The following SNX18 variants were observed in gnomAD, a reference collection of about 807,000 sequenced individuals.
The protein encoded by SNX18 is sorting nexin 18, also known as sorting nexin-18.
SNX18 carries 35 observed loss-of-function variants against 48.7 expected under a neutral mutation model. That is an observed-to-expected ratio of 0.72 (90% CI 0.55 to 0.95). The LOEUF is 0.95. Among genes scored for constraint, SNX18 ranks in the 40% least tolerant of loss-of-function variants. The probability of loss-of-function intolerance (pLI) is 0.00; values close to 1 mark genes in which losing one functional copy is unlikely to be tolerated. For synonymous variants in SNX18, 492 were observed against 384.7 expected (o/e 1.28, Z -3.26); for missense variants, 824 against 871.0 (o/e 0.95, Z 0.68).
the SNX18 span, among the ~76,000 whole-genome samples, chr5:54,600,457 A>C: frequency 6.6e-6 from 1 of 152,204 alleles, no homozygotes; most frequent in Non-Finnish European, 1.5e-5. Flanking sequence ...ATACCATTTG[A>C]CCCAGCAATC....
the SNX18 span, among the ~76,000 whole-genome samples, chr5:54,627,389 A>T: frequency 6.6e-6 from 1 of 152,100 alleles, no homozygotes; most frequent in South Asian, 2.1e-4. Flanking sequence ...ATATGTTTTG[A>T]GGCCCATCCA....
chr5:54,636,093 G>C, the SNX18 span, among the ~76,000 whole-genome samples: 1 of 152,158 alleles, frequency 6.6e-6, no homozygotes, highest in Non-Finnish European at 1.5e-5. Context: ...TTAGCTGGGT[G>C]CTCCAATCCT....
the SNX18 span, among the ~76,000 whole-genome samples, chr5:54,611,822 G>A: frequency 1.3e-5 from 2 of 152,090 alleles, no homozygotes; most frequent in African/African-American, 2.4e-5. Flanking sequence ...TTGGGGTGAG[G>A]CAGGGTGCCT....
the SNX18 span, among the ~76,000 whole-genome samples, chr5:54,647,544 T>C: frequency 1.3e-5 from 2 of 152,036 alleles, no homozygotes; most frequent in Non-Finnish European, 2.9e-5. Flanking sequence ...CTATAAGCAG[T>C]TGAAGTTGGT....
chr5:54,531,465 C>T (rs1186650273), intron 1 of SNX18, among the ~76,000 whole-genome samples: 1 of 152,100 alleles, frequency 6.6e-6, no homozygotes, highest in Non-Finnish European at 1.5e-5. Context: ...TTGACATTTG[C>T]GATTTTCACC....
the SNX18 span, among the ~76,000 whole-genome samples, chr5:54,621,349 T>C: frequency 2.6e-5 from 4 of 152,346 alleles, no homozygotes; most frequent in Admixed American, 2.6e-4. Context: ...TGAGTTGGGT[T>C]CTTGCCAACT....
chr5:54,630,074 G>A, the SNX18 span, among the ~76,000 whole-genome samples: 4 of 152,092 alleles, frequency 2.6e-5, no homozygotes, highest in African/African-American at 4.8e-5. Flanking sequence ...GGTTCCTCTC[G>A]ACTTACCCAT....
chr5:54,550,017 G>A (rs942775834), downstream of SNX18, among the ~76,000 whole-genome samples: 1 of 152,214 alleles, frequency 6.6e-6, no homozygotes, highest in African/African-American at 2.4e-5. Flanking sequence ...AAACATTGGA[G>A]TGCAGTTCAG....
At chr5:54,632,628 G>A in the SNX18 span, among the ~76,000 whole-genome samples, 13 of 152,108 alleles carry the variant, frequency 8.5e-5, no homozygotes, top group Non-Finnish European at 1.9e-4. Flanking sequence ...CACACCGGGA[G>A]CTGTGGGCTC....
chr5:54,621,379 T>G, the SNX18 span, among the ~76,000 whole-genome samples: 1 of 152,224 alleles, frequency 6.6e-6, no homozygotes. Context: ...AAGTCCTGAC[T>G]AGTCCTGACC....
chr5:54,560,521 G>A, the SNX18 span, among the ~76,000 whole-genome samples: 269 of 152,066 alleles, frequency 1.8e-3, 1 homozygote, highest in African/African-American at 6.2e-3. Flanking sequence ...ATAACTAATG[G>A]GTACTAGGCT....
At chr5:54,592,410 C>T in the SNX18 span, among the ~76,000 whole-genome samples, 1 of 152,212 alleles carries the variant, frequency 6.6e-6, no homozygotes, top group African/African-American at 2.4e-5. Flanking sequence ...CAACAAATTG[C>T]TCTCCATTTG....
intron 1 of SNX18, among the ~76,000 whole-genome samples, chr5:54,525,668 C>G (rs2112841977): frequency 6.6e-6 from 1 of 152,314 alleles, no homozygotes; most frequent in East Asian, 1.9e-4. Flanking sequence ...TAACCCAAAT[C>G]ACGTGTTCTG....
chr5:54,642,501 G>C, the SNX18 span, among the ~76,000 whole-genome samples: 1 of 152,092 alleles, frequency 6.6e-6, no homozygotes, highest in Non-Finnish European at 1.5e-5. Flanking sequence ...TTGCCAAACA[G>C]GGTCAACGTG....
At position 54,517,946 on chromosome 5, in the gene SNX18, C is replaced by G. The variant is rs1454354443; in HGVS notation, c.-7C>G. 1 of 1,504,402 alleles carries G rather than the reference C, an allele frequency of 6.6e-7. No individual in the cohort carries two copies. Among genetic ancestry groups the G allele is most frequent in the East Asian group, 2.8e-5 (1 of 35,150 alleles). 93.2% of individuals were successfully genotyped at this position (1,504,402 alleles called of 1,614,324 possible). A position where few individuals can be genotyped will look rare whatever the true frequency, so the allele number is the denominator to read the frequency against. On this transcript the variant is annotated 5_prime_UTR_variant, in exon 1 of 2. Transcript: ENST00000381410. ...GAGTCGGGACCGCCAGTCGGGGCGC[C>G]GGGACCATGGCGCTGCGCGCCCGGG...
chr5:54,580,863 G>A, the SNX18 span, among the ~76,000 whole-genome samples: 1 of 152,210 alleles, frequency 6.6e-6, no homozygotes, highest in Non-Finnish European at 1.5e-5. Context: ...TGTCATAGTA[G>A]TAGACAGCTT....
chr5:54,517,847 G>C lies in SNX18; in HGVS notation c.-106G>C, dbSNP rs925910845. On this transcript the variant is annotated 5_prime_UTR_variant, in exon 1 of 2. Coordinates refer to ENST00000381410, the MANE Select transcript of SNX18 (RefSeq NM_001102575.2). The stretch of plus-strand genomic sequence containing the variant: ...CGGGCAGCGTGGGTTTGCCGCCTTC[G>C]GGGCTCCAGTCCGCGCGCCAGGGCT... 9 of 1,235,066 alleles carry C rather than the reference G, an allele frequency of 7.3e-6. No individual in the cohort carries two copies. The highest frequency in any genetic ancestry group is 4.2e-5 in the Admixed American group (1 of 23,656). 76.5% of individuals were successfully genotyped at this position (1,235,066 alleles called of 1,614,324 possible). A position where few individuals can be genotyped will look rare whatever the true frequency, so the allele number is the denominator to read the frequency against.
chr5:54,621,650 C>T, the SNX18 span, among the ~76,000 whole-genome samples: 3 of 152,136 alleles, frequency 2.0e-5, no homozygotes, highest in South Asian at 4.1e-4. Context: ...TTACTGTTCA[C>T]ATTCAGAAAA....
the SNX18 span, among the ~76,000 whole-genome samples, chr5:54,596,778 C>A: frequency 6.6e-6 from 1 of 152,196 alleles, no homozygotes; most frequent in Admixed American, 6.5e-5. Context: ...AGCATTGCAG[C>A]CATCAGAATG....
Sources: gnomAD v4.1 joint callset for allele counts (sites outside exome capture counted in the v4.1 genomes callset) on GRCh38, gnomAD v4.1.1 for gene constraint, MANE v1.5 for transcripts, NCBI Gene and HGNC (gene_info 2026-07-23, HGNC 2026-07-21) for gene names.